The following GSE1 variants were observed in gnomAD, a reference collection of about 807,000 sequenced individuals.
GSE1 encodes genetic suppressor element 1.
A neutral mutation model predicts 112.6 loss-of-function variants in GSE1; 32 were observed. That is an observed-to-expected ratio of 0.28 (90% CI 0.21 to 0.38). GSE1 has a LOEUF of 0.38. Among genes scored for constraint, GSE1 ranks in the 10% least tolerant of loss-of-function variants. The probability of loss-of-function intolerance (pLI) is 1.00; values close to 1 mark genes in which losing one functional copy is unlikely to be tolerated. For missense variants in GSE1, 2,348 were observed against 1,699.2 expected, an observed-to-expected ratio of 1.38 and a Z score of -6.71; for synonymous variants, 1,115 against 735.6, an observed-to-expected ratio of 1.52 and a Z score of -8.35.
chr16:85,224,324 AAAAAAAAG>A (rs1289740832), intron 1 of GSE1, among the ~76,000 whole-genome samples: 2,967 of 143,624 alleles, frequency 0.021, 28 homozygotes, highest in East Asian at 0.049. Flanking sequence ...AAAAAAAAAA[AAAAAAAAG>A]GGAACACACA....
chr16:85,539,313 C>T lies in GSE1; in HGVS notation c.2465-94601C>T, dbSNP rs138501425. Among the ~76,000 whole-genome samples the T allele has an allele frequency of 4.6e-5, 7 of 152,346 alleles. No homozygotes were observed. The Middle Eastern group carries it at 0.014, about 296-fold the overall frequency. ...TGTTTCCCGGCTCCAGCCACATGCC[C>T]GTAAGCACTTAATTGTGGGTGCAGT... On this transcript the variant is annotated intron_variant, in intron 2 of 2. Transcript: ENST00000637419.
At chr16:85,196,482 T>C (rs1351921089) in intron 1 of GSE1, among the ~76,000 whole-genome samples, 3 of 152,166 alleles carry the variant, frequency 2.0e-5, no homozygotes, top group Admixed American at 6.5e-5. Flanking sequence ...TGTGTGACTT[T>C]CTTAATTTGA....
chr16:85,521,914 C>A (rs994599540), intron 2 of GSE1, among the ~76,000 whole-genome samples: 1 of 152,208 alleles, frequency 6.6e-6, no homozygotes, highest in Non-Finnish European at 1.5e-5. Context: ...CAAGTGTTCC[C>A]GTGACAGAGC....
chr16:85,417,914 A>C (rs1383755009), intron 2 of GSE1, among the ~76,000 whole-genome samples: 1 of 152,176 alleles, frequency 6.6e-6, no homozygotes, highest in African/African-American at 2.4e-5. Flanking sequence ...ATCTCGGCTC[A>C]CTGCAACCTC....
At position 85,654,442 on chromosome 16, in the gene GSE1, G is replaced by A. The variant is rs546292849; in HGVS notation, c.591G>A (p.Pro197=). ...PSSVVQDSRF[P]PLNLQRPVHH... ...CAGTTGTGCAGGATTCCCGCTTCCC[G>A]CCACTCAAGTAAGTTGGTCGGCGGG... is the stretch of plus-strand genomic sequence containing the variant. The change falls in exon 4 of 16, where the codon CCG becomes CCA. Residue 197 remains proline, a synonymous_variant. Transcript: ENST00000253458. 14 of 1,566,178 alleles carry A rather than the reference G, an allele frequency of 8.9e-6. No individual in the cohort carries two copies. The highest frequency in any genetic ancestry group is 1.7e-4 in the Middle Eastern group (1 of 5,806).
chr16:85,370,459 C>T (rs914826111), intron 2 of GSE1, among the ~76,000 whole-genome samples: 1 of 152,230 alleles, frequency 6.6e-6, no homozygotes, highest in Non-Finnish European at 1.5e-5. Context: ...CGGTGCAACC[C>T]AGGAGGGCTC....
intron 1 of GSE1, among the ~76,000 whole-genome samples, chr16:85,177,366 G>A (rs74353632): frequency 3.5e-4 from 54 of 152,314 alleles, no homozygotes; most frequent in African/African-American, 1.1e-3. Flanking sequence ...GCCCTCTTCC[G>A]CCTCAGGTCC....
chr16:85,281,391 A>G (rs2044854132), intron 1 of GSE1, among the ~76,000 whole-genome samples: 1 of 152,018 alleles, frequency 6.6e-6, no homozygotes, highest in African/African-American at 2.4e-5. Context: ...CGAGTTAATT[A>G]ACCCTCACAG....
intron 2 of GSE1, among the ~76,000 whole-genome samples, chr16:85,367,274 G>T (rs527373528): frequency 6.6e-6 from 1 of 152,218 alleles, no homozygotes; most frequent in Non-Finnish European, 1.5e-5. Context: ...CCACGGCTCC[G>T]ATCTGACCGA....
intron 2 of GSE1, among the ~76,000 whole-genome samples, chr16:85,383,527 GTCTCTCTCTCTCTCTC>G (rs55919597): frequency 0.073 from 9,503 of 130,682 alleles, 647 homozygotes; most frequent in East Asian, 0.21. Context: ...GCACACCTGC[GTCTCTCTCTCTCTCTC>G]TCTCTCTCTC....
At chr16:85,494,225 A>T (rs2051099724) in intron 2 of GSE1, among the ~76,000 whole-genome samples, 1 of 152,218 alleles carries the variant, frequency 6.6e-6, no homozygotes, top group Non-Finnish European at 1.5e-5. Flanking sequence ...CTCCCTGTGC[A>T]GGCTCTAGGG....
chr16:85,399,824 A>C (rs536121614), intron 2 of GSE1, among the ~76,000 whole-genome samples: 3 of 152,194 alleles, frequency 2.0e-5, no homozygotes, highest in African/African-American at 7.2e-5. Flanking sequence ...GCAGGTGGTG[A>C]GTGTTCCGTG....
chr16:85,275,234 A>T (rs1909239418), intron 1 of GSE1, among the ~76,000 whole-genome samples: 1 of 152,222 alleles, frequency 6.6e-6, no homozygotes, highest in African/African-American at 2.4e-5. Flanking sequence ...TGGAGGAGAC[A>T]GAACAGCTCC....
At chr16:85,294,623 CT>C (rs2045312418) in intron 1 of GSE1, among the ~76,000 whole-genome samples, 1 of 41,600 alleles carries the variant, frequency 2.4e-5, no homozygotes, top group Non-Finnish European at 5.7e-5. Context: ...CTCACTCTCT[CT>C]CTCTCTCTCT....
intron 2 of GSE1, among the ~76,000 whole-genome samples, chr16:85,479,738 C>T (rs908672262): frequency 6.6e-5 from 10 of 152,286 alleles, no homozygotes; most frequent in African/African-American, 9.6e-5. Context: ...TGGCTGGGGA[C>T]GTCCCATTGC....
rs143143067 is a variant in GSE1, at chr16:85,246,471, G to GCACA, written c.2283+74682_2283+74685dup. On this transcript the variant is annotated intron_variant, in intron 1 of 2. Transcript: ENST00000637419. ...CACACACACACACACCCCACACGCT[G>GCACA]CACACACACACACACACACACTCTA... is the stretch of plus-strand genomic sequence containing the variant. 7.2e-3 allele frequency among the ~76,000 whole-genome samples: 264 copies of GCACA among 36,714 alleles called. 14 individuals are homozygous for GCACA. Among genetic ancestry groups the GCACA allele is most frequent in the African/African-American group, 8.0e-3 (76 of 9,516 alleles). The allele number at this position is 36,714 out of a possible 152,430, so 24.1% of individuals were successfully genotyped here. A position where few individuals can be genotyped will look rare whatever the true frequency, so the allele number is the denominator to read the frequency against.
intron 1 of GSE1, among the ~76,000 whole-genome samples, chr16:85,255,063 G>A (rs571856932): frequency 2.0e-4 from 30 of 152,148 alleles, no homozygotes; most frequent in African/African-American, 7.0e-4. Context: ...TCCCGGTGCC[G>A]GAGCAGATGG....
intron 1 of GSE1, among the ~76,000 whole-genome samples, chr16:85,351,732 A>G (rs2046854417): frequency 1.3e-5 from 2 of 152,346 alleles, no homozygotes; most frequent in South Asian, 2.1e-4. Context: ...GCTCATGCCT[A>G]TAATCCCAGC....
chr16:85,515,239 G>A (rs981653677), intron 2 of GSE1, among the ~76,000 whole-genome samples: 2 of 152,156 alleles, frequency 1.3e-5, no homozygotes, highest in Non-Finnish European at 2.9e-5. Context: ...CCTCACCTCT[G>A]CCCCCATCCC....
Sources: allele counts gnomAD v4.1 joint callset (sites outside exome capture counted in the v4.1 genomes callset), GRCh38; gene constraint gnomAD v4.1.1; transcripts MANE v1.5; gene names NCBI Gene and HGNC (gene_info 2026-07-23, HGNC 2026-07-21).